The following RAPGEF2 variants were observed in gnomAD, a reference collection of about 807,000 sequenced individuals.
RAPGEF2 encodes the protein PDZ domain containing guanine nucleotide exchange factor (GEF) 1.
In RAPGEF2, 54 loss-of-function variants were observed where a neutral mutation model predicts 186.7. The ratio of observed to expected loss-of-function variants is 0.29; its 90% confidence interval spans 0.23 to 0.36. The LOEUF is 0.36. Ranked by LOEUF, RAPGEF2 falls within the 10% of genes least tolerant of loss-of-function variation. RAPGEF2 has a pLI of 1.00. For synonymous variants in RAPGEF2, 712 were observed against 705.9 expected (o/e 1.01, Z -0.14); for missense variants, 1,532 against 2,045.0 (o/e 0.75, Z 4.84).
intron 17 of RAPGEF2, among the ~76,000 whole-genome samples, chr4:159,337,889 CAAAAAAAAAAAA>C (rs553291521): frequency 1.5e-4 from 5 of 32,584 alleles, no homozygotes; most frequent in African/African-American, 2.7e-4. Flanking sequence ...GACTCCATCT[CAAAAAAAAAAAA>C]AAAAAAAAAA....
At chr4:159,220,454 C>G (rs1303655634) in intron 4 of RAPGEF2, among the ~76,000 whole-genome samples, 1 of 152,178 alleles carries the variant, frequency 6.6e-6, no homozygotes, top group Non-Finnish European at 1.5e-5. Context: ...AGATGTAGGT[C>G]AGTTGGTAGA....
intron 20 of RAPGEF2, 31 bp from the exon 21 acceptor site, chr4:159,342,948 T>A: frequency 6.3e-7 from 1 of 1,582,214 alleles, no homozygotes. Context: ...TTACTTTAGT[T>A]GTTATACCAT....
intron 1 of RAPGEF2, among the ~76,000 whole-genome samples, chr4:159,143,275 C>CA (rs1480429944): frequency 7.2e-5 from 11 of 151,824 alleles, no homozygotes; most frequent in African/African-American, 2.2e-4. Flanking sequence ...CAAAAAAAAC[C>CA]AAAAAAACGA....
chr4:159,120,492 G>A (rs1021186858), intron 1 of RAPGEF2, among the ~76,000 whole-genome samples: 4 of 152,148 alleles, frequency 2.6e-5, no homozygotes, highest in African/African-American at 9.7e-5. Flanking sequence ...AAACTTCTAA[G>A]AATGCATTGT....
intron 3 of RAPGEF2, among the ~76,000 whole-genome samples, chr4:159,200,427 C>T (rs1052302606): frequency 6.6e-6 from 1 of 152,066 alleles, no homozygotes; most frequent in African/African-American, 2.4e-5. Flanking sequence ...AAGAGTGCAC[C>T]ACCGCACTCT....
chr4:159,280,038 T>C (rs1759480418), intron 7 of RAPGEF2, among the ~76,000 whole-genome samples: 1 of 152,168 alleles, frequency 6.6e-6, no homozygotes, highest in Non-Finnish European at 1.5e-5. Flanking sequence ...GTCACCATGC[T>C]TATCTGAAAT....
chr4:159,227,667 A>G (rs1752185990), intron 4 of RAPGEF2, among the ~76,000 whole-genome samples: 1 of 152,218 alleles, frequency 6.6e-6, no homozygotes, highest in South Asian at 2.1e-4. Flanking sequence ...AAGTGTAGTC[A>G]TCACACCACT....
At chr4:159,280,168 T>G (rs1759501847) in intron 7 of RAPGEF2, among the ~76,000 whole-genome samples, 1 of 152,220 alleles carries the variant, frequency 6.6e-6, no homozygotes, top group Admixed American at 6.5e-5. Context: ...TTAATTTGTT[T>G]CTAGTTAGAT....
intron 1 of RAPGEF2, among the ~76,000 whole-genome samples, chr4:159,129,154 TGAATA>T (rs1339499522): frequency 6.6e-6 from 1 of 151,946 alleles, no homozygotes; most frequent in African/African-American, 2.4e-5. Context: ...ATAAGAATCT[TGAATA>T]GAAATCTTAT....
At chr4:159,203,967 C>T (rs529388301) in intron 3 of RAPGEF2, among the ~76,000 whole-genome samples, 107 of 152,354 alleles carry the variant, frequency 7.0e-4, no homozygotes, top group African/African-American at 2.5e-3. Flanking sequence ...GCTCCAGAAC[C>T]TGCGCTCTTT....
chr4:159,222,502 A>C (rs756293478), intron 4 of RAPGEF2, among the ~76,000 whole-genome samples: 18 of 152,198 alleles, frequency 1.2e-4, no homozygotes, highest in Non-Finnish European at 2.4e-4. Flanking sequence ...GAAATAAATA[A>C]TGCTATATTT....
Position 159,229,019 on chromosome 4 carries a change from T to C in RAPGEF2, c.282-9790T>C, listed in dbSNP as rs575144900. Among the ~76,000 whole-genome samples, 3 of 152,342 alleles carry C rather than the reference T, an allele frequency of 2.0e-5. No individual in the cohort carries two copies. In the East Asian group the frequency reaches 5.8e-4, roughly 29 times the overall value. On this transcript the variant is annotated intron_variant, in intron 4 of 29. Transcript: ENST00000691494. ...TATGTGATTGTTTTTTTGTAAGTCC[T>C]AAACAAATCAATTGGTTTTGATTTA...
chr4:159,354,127 T>G, intron 28 of RAPGEF2, 81 bp downstream of exon 28: 1 of 1,360,608 alleles, frequency 7.3e-7, no homozygotes, highest in South Asian at 1.5e-5. Flanking sequence ...AATTATGTGT[T>G]TGTTGGTTCT....
At chr4:159,233,410 G>A (rs1014342501) in intron 4 of RAPGEF2, among the ~76,000 whole-genome samples, 1 of 152,132 alleles carries the variant, frequency 6.6e-6, no homozygotes, top group Non-Finnish European at 1.5e-5. Context: ...TGAAGACTCT[G>A]TTCTTCTCTC....
chr4:159,225,762 G>A (rs1751971762), intron 4 of RAPGEF2, among the ~76,000 whole-genome samples: 1 of 151,880 alleles, frequency 6.6e-6, no homozygotes, highest in African/African-American at 2.4e-5. Flanking sequence ...TCATGTGTTT[G>A]TTGGCCATTT....
Position 159,254,600 on chromosome 4 carries a change from C to CTTT in RAPGEF2, c.543+10829_543+10831dup, listed in dbSNP as rs34644510. 5.3e-3 allele frequency among the ~76,000 whole-genome samples: 666 copies of CTTT among 124,526 alleles called. 11 individuals are homozygous for CTTT. The highest frequency in any genetic ancestry group is 0.015 in the African/African-American group (470 of 32,332). The allele number at this position is 124,526 out of a possible 152,430, so 81.7% of individuals were successfully genotyped here. ...AAAATCTGTACCTAATACAGCATGA[C>CTTT]TTTTTTTTTTTTTTTTTTTTTTAAA... On this transcript the variant is annotated intron_variant, in intron 7 of 29. Coordinates refer to ENST00000691494, the MANE Select transcript of RAPGEF2 (RefSeq NM_001394067.2).
chr4:159,218,547 G>C (rs1235711743), intron 4 of RAPGEF2, among the ~76,000 whole-genome samples: 5 of 152,142 alleles, frequency 3.3e-5, no homozygotes, highest in African/African-American at 1.2e-4. Flanking sequence ...CCTGAGGTCA[G>C]GAGTTCAAGA....
intron 1 of RAPGEF2, among the ~76,000 whole-genome samples, chr4:159,125,234 A>C (rs1233194446): frequency 6.6e-6 from 1 of 152,222 alleles, no homozygotes; most frequent in Non-Finnish European, 1.5e-5. Context: ...GAATCGATTT[A>C]GTTTACAATC....
chr4:159,276,667 T>C (rs193163484), intron 7 of RAPGEF2, among the ~76,000 whole-genome samples: 592 of 152,312 alleles, frequency 3.9e-3, no homozygotes, highest in African/African-American at 0.013. Flanking sequence ...GTGAACCTTT[T>C]ATCACTAAAA....
Sources: gnomAD v4.1 joint callset for allele counts (sites outside exome capture counted in the v4.1 genomes callset) on GRCh38, gnomAD v4.1.1 for gene constraint, MANE v1.5 for transcripts, NCBI Gene and HGNC (gene_info 2026-07-23, HGNC 2026-07-21) for gene names.